CAMK1D: variants seen among roughly 807,000 people sequenced by gnomAD.
CAMK1D encodes the protein calcium/calmodulin-dependent protein kinase type 1D.
In CAMK1D, 9 loss-of-function variants were observed where a neutral mutation model predicts 47.7. The ratio of observed to expected loss-of-function variants is 0.19; its 90% CI spans 0.11 to 0.33. The LOEUF is 0.33. Ranked by LOEUF, CAMK1D falls within the 10% of genes least tolerant of loss-of-function variation. The pLI is 1.00. For synonymous variants in CAMK1D, 184 were observed against 184.9 expected, an observed-to-expected ratio of 0.99 and a Z score of 0.04; for missense variants, 291 against 488.7, an observed-to-expected ratio of 0.60 and a Z score of 3.81.
chr10:12,718,503 A>G (rs1042065668), intron 3 of CAMK1D, among the ~76,000 whole-genome samples: 1 of 152,176 alleles, frequency 6.6e-6, no homozygotes, highest in South Asian at 2.1e-4. Context: ...AAGCCACCAG[A>G]TGGCTCCCTT....
At chr10:12,668,971 C>T (rs1840520812) in intron 3 of CAMK1D, among the ~76,000 whole-genome samples, 1 of 152,078 alleles carries the variant, frequency 6.6e-6, no homozygotes. Flanking sequence ...GTGGCTCACG[C>T]CTGCAATCCC....
chr10:12,673,268 A>G (rs531466704), intron 3 of CAMK1D, among the ~76,000 whole-genome samples: 9 of 152,238 alleles, frequency 5.9e-5, no homozygotes, highest in African/African-American at 2.2e-4. Flanking sequence ...AGCTTAAAAC[A>G]TGTAGCCTTT....
At chr10:12,564,105 C>A (rs539876566) in intron 2 of CAMK1D, among the ~76,000 whole-genome samples, 152 of 150,272 alleles carry the variant, frequency 1.0e-3, no homozygotes, top group African/African-American at 3.2e-3. Flanking sequence ...ATAGATAGAT[C>A]TGTCTGTCTA....
At chr10:12,694,232 T>TATAATATATATTATATATTATAC (rs1833122372) in intron 3 of CAMK1D, among the ~76,000 whole-genome samples, 1 of 25,774 alleles carries the variant, frequency 3.9e-5, no homozygotes, top group African/African-American at 1.3e-4. Flanking sequence ...ATATATTATG[T>TATAATATATATTATATATTATAC]ATAATATATA....
At chr10:12,766,714 G>A (rs138453708) in intron 4 of CAMK1D, among the ~76,000 whole-genome samples, 348 of 152,118 alleles carry the variant, frequency 2.3e-3, no homozygotes, top group African/African-American at 7.9e-3. Flanking sequence ...TCTCAATGCC[G>A]AATTACCTTG....
chr10:12,753,368 C>T (rs1167749096), intron 3 of CAMK1D, among the ~76,000 whole-genome samples: 4 of 152,202 alleles, frequency 2.6e-5, no homozygotes, highest in African/African-American at 9.7e-5. Context: ...ACCAGAAGGT[C>T]ACTAGCTGGG....
chr10:12,406,722 CAAAAAAAAAAAAAAAAAA>C (rs3061400), intron 1 of CAMK1D, among the ~76,000 whole-genome samples: 1 of 69,230 alleles, frequency 1.4e-5, no homozygotes, highest in Admixed American at 1.5e-4. Flanking sequence ...GACCCTGTCT[CAAAAAAAAAAAAAAAAAA>C]AAAAAAAAAA....
At chr10:12,557,274 G>C (rs1291006132) in intron 2 of CAMK1D, among the ~76,000 whole-genome samples, 1 of 152,170 alleles carries the variant, frequency 6.6e-6, no homozygotes, top group Non-Finnish European at 1.5e-5. Context: ...TCCTGGCCGG[G>C]TGCCACGGCT....
chr10:12,722,228 A>G (rs1006831433), intron 3 of CAMK1D, among the ~76,000 whole-genome samples: 5 of 151,922 alleles, frequency 3.3e-5, no homozygotes, highest in East Asian at 3.9e-4. Flanking sequence ...CGGATCACGA[A>G]GTCTGGAGAT....
intron 1 of CAMK1D, among the ~76,000 whole-genome samples, chr10:12,546,302 A>AGCGG (rs1836368617): frequency 6.6e-6 from 1 of 152,130 alleles, no homozygotes; most frequent in Non-Finnish European, 1.5e-5. Context: ...GGGATGGAGG[A>AGCGG]GCGGGCGGGC....
intron 1 of CAMK1D, among the ~76,000 whole-genome samples, chr10:12,432,515 A>G (rs1193363091): frequency 6.6e-6 from 1 of 152,218 alleles, no homozygotes; most frequent in South Asian, 2.1e-4. Flanking sequence ...GTGTGAATGA[A>G]TGGGCAAGTG....
At chr10:12,501,130 T>C (rs6602592) in intron 1 of CAMK1D, among the ~76,000 whole-genome samples, 53,531 of 152,126 alleles carry the variant, frequency 0.35, 9,533 homozygotes, top group Non-Finnish European at 0.39. Context: ...CACAAAGCAA[T>C]GATGGAAAAC....
chr10:12,461,226 C>T (rs1444339202), intron 1 of CAMK1D, among the ~76,000 whole-genome samples: 1 of 152,176 alleles, frequency 6.6e-6, no homozygotes, highest in Non-Finnish European at 1.5e-5. Context: ...GGCACCTGGC[C>T]ACTCTGAGGA....
chr10:12,741,512 G>C (rs1835427026), intron 3 of CAMK1D, among the ~76,000 whole-genome samples: 1 of 152,248 alleles, frequency 6.6e-6, no homozygotes, highest in Admixed American at 6.5e-5. Context: ...GCTACAGTCT[G>C]TGAAACATCA....
intron 1 of CAMK1D, among the ~76,000 whole-genome samples, chr10:12,389,186 C>G (rs568143877): frequency 1.9e-5 from 2 of 104,036 alleles, no homozygotes; most frequent in African/African-American, 5.5e-5. Flanking sequence ...GCTAGGGTGG[C>G]GTGGGGGTGT....
At chr10:12,510,572 G>T (rs1835010695) in intron 1 of CAMK1D, among the ~76,000 whole-genome samples, 1 of 152,182 alleles carries the variant, frequency 6.6e-6, no homozygotes, top group Admixed American at 6.5e-5. Flanking sequence ...CACTACTGTG[G>T]CTGCAAGCAA....
intron 1 of CAMK1D, among the ~76,000 whole-genome samples, chr10:12,546,459 T>G (rs1332188861): frequency 6.6e-6 from 1 of 152,150 alleles, no homozygotes; most frequent in Non-Finnish European, 1.5e-5. Flanking sequence ...CTGTTTCACT[T>G]TGGTTATGGT....
intron 1 of CAMK1D, among the ~76,000 whole-genome samples, chr10:12,394,095 C>T (rs1279186069): frequency 6.6e-6 from 1 of 152,340 alleles, no homozygotes; most frequent in Admixed American, 6.5e-5. Context: ...TTCACACCAT[C>T]CCAACACACG....
chr10:12,821,434 T>C (rs1391411975), intron 8 of CAMK1D, among the ~76,000 whole-genome samples: 2 of 152,124 alleles, frequency 1.3e-5, no homozygotes, highest in East Asian at 1.9e-4. Flanking sequence ...GCTGTAGGAA[T>C]TGGGAGGTGG....
Sources: allele counts gnomAD v4.1 joint callset (sites outside exome capture counted in the v4.1 genomes callset), GRCh38; gene constraint gnomAD v4.1.1; transcripts MANE v1.5; gene names NCBI Gene and HGNC (gene_info 2026-07-23, HGNC 2026-07-21).